RARB: variants seen among roughly 807,000 people sequenced by gnomAD.
RARB encodes the protein retinoic acid receptor beta.
A neutral mutation model predicts 51.9 loss-of-function variants in RARB; 17 were observed. That is an observed-to-expected ratio of 0.33 (90% CI 0.22 to 0.49). The LOEUF (loss-of-function observed/expected upper bound fraction) is 0.49, where lower values mean the gene tolerates loss of function less well. Ranked by LOEUF, RARB falls within the 20% of genes least tolerant of loss-of-function variation. RARB has a pLI of 0.99. For missense variants in RARB, 369 were observed against 550.8 expected (o/e 0.67, Z 3.30); for synonymous variants, 215 against 195.4 (o/e 1.10, Z -0.84).
intron 3 of RARB, among the ~76,000 whole-genome samples, chr3:25,068,251 A>G (rs956388944): frequency 6.9e-6 from 1 of 145,138 alleles, no homozygotes; most frequent in Non-Finnish European, 1.5e-5. Context: ...CCCACCCACA[A>G]CCCCTTTCCC....
intron 5 of RARB, among the ~76,000 whole-genome samples, chr3:25,359,483 G>C (rs1200426783): frequency 6.6e-6 from 1 of 151,456 alleles, no homozygotes; most frequent in African/African-American, 2.4e-5. Context: ...TTTCAGTTCT[G>C]CTCTGACTTT....
intron 2 of RARB, among the ~76,000 whole-genome samples, chr3:24,873,893 G>C (rs539582368): frequency 2.2e-4 from 33 of 151,988 alleles, no homozygotes; most frequent in Middle Eastern, 3.4e-3. Flanking sequence ...TTAGCCCTTT[G>C]TACCCATAGG....
intron 3 of RARB, among the ~76,000 whole-genome samples, chr3:25,514,903 G>C (rs990178810): frequency 1.3e-5 from 2 of 152,220 alleles, no homozygotes; most frequent in African/African-American, 2.4e-5. Context: ...CAATGTTTGA[G>C]TAGTTTTAAA....
At chr3:25,281,119 A>G (rs1198959938) in intron 5 of RARB, among the ~76,000 whole-genome samples, 2 of 152,202 alleles carry the variant, frequency 1.3e-5, no homozygotes, top group Non-Finnish European at 2.9e-5. Flanking sequence ...AAGAGATTAT[A>G]AATCCACTCT....
rs200647950 is a variant in RARB at position 24,866,624 on chromosome 3, A to G, written c.-380+7872A>G. 7.8e-4 allele frequency among the ~76,000 whole-genome samples: 118 copies of G among 152,100 alleles called. 1 individual carries two copies. The highest frequency in any genetic ancestry group is 1.5e-3 in the Non-Finnish European group (99 of 67,976). ...CTCCCTCACCGGCCGAGGGGCTTCC[A>G]GGTCTTAGTTATCTGCAGGCCTCAC... On this transcript the variant is annotated intron_variant, in intron 2 of 11. Transcript: ENST00000383772.
rs567701308 is a variant in RARB, at chr3:25,207,226, T to C, written c.178+32651T>C. 2.0e-5 allele frequency among the ~76,000 whole-genome samples: 3 copies of C among 152,298 alleles called. No homozygotes were observed. In the South Asian group the frequency reaches 6.2e-4, roughly 32 times the overall value. On this transcript the variant is annotated intron_variant, in intron 5 of 11. Transcript: ENST00000383772. ...TGGAGATATAGTTCCAACTCAGATC[T>C]ACTAAGCATGTTTTCATTTTGAGTC...
At chr3:25,589,188 G>A (rs1172858089) in intron 5 of RARB, among the ~76,000 whole-genome samples, 2 of 152,200 alleles carry the variant, frequency 1.3e-5, no homozygotes, top group African/African-American at 4.8e-5. Flanking sequence ...GCTGAACTCT[G>A]AGAAAAGAGC....
chr3:24,865,254 C>T (rs934746644), intron 2 of RARB, among the ~76,000 whole-genome samples: 4 of 152,042 alleles, frequency 2.6e-5, no homozygotes, highest in Admixed American at 2.0e-4. Flanking sequence ...CGGAAATTTA[C>T]GTGCACTCAA....
At chr3:25,427,264 T>G (rs1708020586), upstream of RARB, among the ~76,000 whole-genome samples, 1 of 152,188 alleles carries the variant, frequency 6.6e-6, no homozygotes, top group Non-Finnish European at 1.5e-5. Context: ...TTGAACAGTA[T>G]GAGGATGAGT....
chr3:25,323,158 G>A (rs1008599442), intron 5 of RARB, among the ~76,000 whole-genome samples: 3 of 147,852 alleles, frequency 2.0e-5, no homozygotes, highest in South Asian at 2.1e-4. Context: ...GAGGCTCAAG[G>A]CAAAAACAGA....
At chr3:25,383,653 C>G (rs943143314) in intron 5 of RARB, among the ~76,000 whole-genome samples, 1 of 152,096 alleles carries the variant, frequency 6.6e-6, no homozygotes, top group Non-Finnish European at 1.5e-5. Flanking sequence ...ATTGGCTGGG[C>G]ACGGTGGCTC....
intron 3 of RARB, among the ~76,000 whole-genome samples, chr3:25,110,319 G>A (rs187199384): frequency 1.4e-4 from 22 of 152,176 alleles, no homozygotes; most frequent in Admixed American, 5.9e-4. Context: ...CTTTTCTAAG[G>A]GCATGCATAT....
Position 25,374,873 on chromosome 3 carries a change from C to T in RARB, c.179-86320C>T, listed in dbSNP as rs77684686. On this transcript the variant is annotated intron_variant, in intron 5 of 11. Coordinates refer to the RARB transcript ENST00000383772. Reference sequence around the variant, plus strand: ...GCAGTTTTAACCTTGACTTTGCCTACGAATGAACTGCAGGAGCACATCTAG... The same window carrying T: ...GCAGTTTTAACCTTGACTTTGCCTATGAATGAACTGCAGGAGCACATCTAG... Among the ~76,000 whole-genome samples, 944 of 152,276 alleles carry T rather than the reference C, an allele frequency of 6.2e-3. 15 individuals carry two copies. The highest frequency in any genetic ancestry group is 0.021 in the African/African-American group (881 of 41,560).
At chr3:24,842,043 A>G (rs1374561157) in intron 1 of RARB, among the ~76,000 whole-genome samples, 1 of 152,212 alleles carries the variant, frequency 6.6e-6, no homozygotes, top group Non-Finnish European at 1.5e-5. Context: ...CTAATGATGC[A>G]TTAAGAATTC....
At chr3:25,517,216 T>C (rs1233173773) in intron 3 of RARB, among the ~76,000 whole-genome samples, 1 of 152,218 alleles carries the variant, frequency 6.6e-6, no homozygotes, top group Non-Finnish European at 1.5e-5. Context: ...TTTATAGAAA[T>C]ATATTTATCT....
chr3:25,219,453 T>TA (rs1303621196), intron 5 of RARB, among the ~76,000 whole-genome samples: 7 of 152,170 alleles, frequency 4.6e-5, no homozygotes, highest in African/African-American at 1.7e-4. Flanking sequence ...TAATTTGAAG[T>TA]AATACTAACT....
At chr3:24,980,559 C>T (rs1036243773) in intron 2 of RARB, among the ~76,000 whole-genome samples, 3 of 152,114 alleles carry the variant, frequency 2.0e-5, no homozygotes, top group African/African-American at 4.8e-5. Flanking sequence ...ATCGAATCGG[C>T]TTGTGAAGCT....
chr3:25,384,908 C>T (rs1354231548), intron 5 of RARB, among the ~76,000 whole-genome samples: 2 of 152,110 alleles, frequency 1.3e-5, no homozygotes, highest in Admixed American at 1.3e-4. Flanking sequence ...CCTTCATAGC[C>T]AGCTAATAAT....
chr3:24,998,158 T>C (rs1225296037), intron 2 of RARB, among the ~76,000 whole-genome samples: 2 of 152,122 alleles, frequency 1.3e-5, no homozygotes, highest in African/African-American at 4.8e-5. Context: ...TTTTAGCCTT[T>C]CAAGAATTAT....
Sources: gnomAD v4.1 joint callset for allele counts (sites outside exome capture counted in the v4.1 genomes callset) on GRCh38, gnomAD v4.1.1 for gene constraint, MANE v1.5 for transcripts, NCBI Gene and HGNC (gene_info 2026-07-23, HGNC 2026-07-21) for gene names.